The following TXNL4B variants were observed in gnomAD, a reference collection of about 807,000 sequenced individuals.
The protein encoded by TXNL4B is thioredoxin-like protein 4B.
A neutral mutation model predicts 13.0 loss-of-function variants in TXNL4B; 12 were observed. That is an observed-to-expected ratio of 0.92 (90% CI 0.59 to 1.49). TXNL4B has a LOEUF of 1.49. Ranked by LOEUF, TXNL4B falls within the 40% of genes most tolerant of loss-of-function variation. The probability of loss-of-function intolerance (pLI) is 0.00; values close to 1 mark genes in which losing one functional copy is unlikely to be tolerated. For missense variants in TXNL4B, 214 were observed against 173.6 expected (o/e 1.23, Z -1.31); for synonymous variants, 59 against 58.9 (o/e 1.00, Z -0.01).
At chr16:72,089,436 C>T (rs935225023) in intron 2 of TXNL4B, among the ~76,000 whole-genome samples, 4 of 152,102 alleles carry the variant, frequency 2.6e-5, no homozygotes, top group African/African-American at 9.7e-5. Flanking sequence ...AGGAGGGTGA[C>T]AGCATGGGAG....
rs992809143 is a variant in TXNL4B, at chr16:72,086,446, CAGTT to C, written c.*187_*190del. 6.1e-6 allele frequency: 3 copies of C among 493,926 alleles called. No individual in the cohort carries two copies. The highest frequency in any genetic ancestry group is 3.5e-5 in the Admixed American group (1 of 28,878). 30.6% of individuals were successfully genotyped at this position (493,926 alleles called of 1,614,324 possible). A position where few individuals can be genotyped will look rare whatever the true frequency, so the allele number is the denominator to read the frequency against. ...TGCTCTGAGGCTTGCAGGGAGTAGA[CAGTT>C]AGGCATCCCAGGTCATCAGAGAACC... On this transcript the variant is annotated 3_prime_UTR_variant, in exon 4 of 4. Transcript: ENST00000268483.
chr16:72,087,977 G>T (rs560131454), intron 3 of TXNL4B, among the ~76,000 whole-genome samples: 3 of 152,192 alleles, frequency 2.0e-5, no homozygotes, highest in African/African-American at 7.2e-5. Context: ...CCGCCACCAC[G>T]CCCAGCTAAT....
chr16:72,092,912 G>A (rs762285402), intron 1 of TXNL4B, among the ~76,000 whole-genome samples: 2 of 152,240 alleles, frequency 1.3e-5, no homozygotes, highest in Admixed American at 6.5e-5. Context: ...GTAGGGGCAG[G>A]CACAGGGAGT....
intron 2 of TXNL4B, chr16:72,090,129 T>C (rs1184067943): frequency 2.2e-6 from 1 of 455,966 alleles, no homozygotes; most frequent in African/African-American, 2.0e-5. Context: ...GAGGTCTTAG[T>C]TCTGGGTTAG....
intron 2 of TXNL4B, 48 bp downstream of exon 2, chr16:72,090,570 A>C: frequency 4.4e-6 from 7 of 1,594,474 alleles, no homozygotes; most frequent in Non-Finnish European, 6.0e-6. Flanking sequence ...CTGAAGTGAG[A>C]ATATACAGAT....
In TXNL4B at chr16:72,085,256, G is replaced by A; in HGVS notation, c.*1381C>T. 1 of 363,270 alleles carries A rather than the reference G, an allele frequency of 2.8e-6. No homozygotes were observed. Among genetic ancestry groups the A allele is most frequent in the Non-Finnish European group, 4.9e-6 (1 of 204,580 alleles). The allele number at this position is 363,270 out of a possible 1,614,324, so 22.5% of individuals were successfully genotyped here. A position where few individuals can be genotyped will look rare whatever the true frequency, so the allele number is the denominator to read the frequency against. ...ATGGAGCCCCTGGCAAAGGGGGCTG[G>A]ACTTGCAGTGACAGTGCTGCTCTGA... On this transcript the variant is annotated 3_prime_UTR_variant, in exon 4 of 4. Coordinates refer to ENST00000268483, the MANE Select transcript of TXNL4B (RefSeq NM_017853.3).
intron 3 of TXNL4B, among the ~76,000 whole-genome samples, chr16:72,088,444 ACAT>A (rs2041855315): frequency 6.6e-6 from 1 of 152,272 alleles, no homozygotes; most frequent in African/African-American, 2.4e-5. Context: ...ACTAAAGAGG[ACAT>A]CATGTTACTT....
rs919045564 is a variant in TXNL4B at position 72,085,373 on chromosome 16, C to T, written c.*1264G>A. 4.6e-6 allele frequency: 1 copy of T among 215,092 alleles called. No homozygotes were observed. The highest frequency in any genetic ancestry group is 2.3e-5 in the African/African-American group (1 of 44,096). The allele number at this position is 215,092 out of a possible 1,614,324, so 13.3% of individuals were successfully genotyped here. A position where few individuals can be genotyped will look rare whatever the true frequency, so the allele number is the denominator to read the frequency against. On this transcript the variant is annotated 3_prime_UTR_variant, in exon 4 of 4. Coordinates refer to ENST00000268483, the MANE Select transcript of TXNL4B (RefSeq NM_017853.3). ...ATGGCTCTCCAGCTCTGCACCTACCCTCTCCTTCTAATAAATCTGTTTCAA... is the reference window on the plus strand; with the variant it reads ...ATGGCTCTCCAGCTCTGCACCTACCTTCTCCTTCTAATAAATCTGTTTCAA...
chr16:72,085,134 T>C lies in TXNL4B; in HGVS notation c.*1503A>G, dbSNP rs1011851420. The C allele has an allele frequency of 1.3e-4, 51 of 397,510 alleles. No individual in the cohort carries two copies. The highest frequency in any genetic ancestry group is 8.6e-4 in the African/African-American group (42 of 48,592). The allele number at this position is 397,510 out of a possible 1,614,324, so 24.6% of individuals were successfully genotyped here. ...TTCCTGGAGTGACTCCCTCCTCTTA[T>C]CAGCAGGGATACAAGCAGTGCCTGG... On this transcript the variant is annotated 3_prime_UTR_variant, in exon 4 of 4. Coordinates refer to ENST00000268483, the MANE Select transcript of TXNL4B (RefSeq NM_017853.3).
At chr16:72,087,382 A>G (rs1190264528) in intron 3 of TXNL4B, 1 of 145,958 alleles carries the variant, frequency 6.9e-6, no homozygotes, top group Non-Finnish European at 1.5e-5. Flanking sequence ...GTGCAGATAC[A>G]AACTTCTTTT....
chr16:72,089,648 G>C (rs2041873259), intron 2 of TXNL4B, among the ~76,000 whole-genome samples: 2 of 152,158 alleles, frequency 1.3e-5, no homozygotes, highest in African/African-American at 4.8e-5. Flanking sequence ...ACACAACTTA[G>C]AAATATGTTA....
chr16:72,088,320 T>C (rs2041853477), intron 3 of TXNL4B, among the ~76,000 whole-genome samples: 1 of 152,170 alleles, frequency 6.6e-6, no homozygotes, highest in African/African-American at 2.4e-5. Flanking sequence ...ACAAAAAGGG[T>C]ACACAGATCT....
In TXNL4B at chr16:72,090,199, T is replaced by C. The variant is rs1008376185; in HGVS notation, c.132+419A>G. On this transcript the variant is annotated intron_variant, in intron 2 of 3. Transcript: ENST00000268483. Reference sequence around the variant, plus strand: ...CACACTAGAAAAGATTATTTGCAGCTACAGAAAACTGAGTTCAAATCTCAA... The same window carrying C: ...CACACTAGAAAAGATTATTTGCAGCCACAGAAAACTGAGTTCAAATCTCAA... 3.9e-5 allele frequency: 18 copies of C among 456,588 alleles called. No individual in the cohort carries two copies. The Admixed American group carries it at 4.0e-4, about 10-fold the overall frequency. The allele number at this position is 456,588 out of a possible 1,614,324, so 28.3% of individuals were successfully genotyped here.
intron 1 of TXNL4B, 67 bp from the exon 2 acceptor site, chr16:72,090,853 T>A: frequency 7.6e-7 from 1 of 1,314,628 alleles, no homozygotes; most frequent in Non-Finnish European, 1.1e-6. Flanking sequence ...TAAAAAAAAT[T>A]AATTCACAGA....
intron 2 of TXNL4B, chr16:72,090,117 A>G (rs560568081): frequency 3.1e-5 from 14 of 455,946 alleles, no homozygotes; most frequent in African/African-American, 2.8e-4. Context: ...AAATGGCGGT[A>G]AGAGGTCTTA....
intron 1 of TXNL4B, 51 bp from the exon 2 acceptor site, chr16:72,090,837 C>A: frequency 6.7e-7 from 1 of 1,483,590 alleles, no homozygotes; most frequent in South Asian, 1.2e-5. Context: ...GTGCGTGAGC[C>A]CTCATTAAAA....
chr16:72,094,111 C>A (rs2041968366), upstream of TXNL4B: 1 of 152,548 alleles, frequency 6.6e-6, no homozygotes, highest in Admixed American at 6.5e-5. Context: ...CTCTAGGCGG[C>A]GGATATTGGT....
At chr16:72,093,329 C>T (rs537561124) in intron 1 of TXNL4B, 38 bp downstream of exon 1, 7 of 152,380 alleles carry the variant, frequency 4.6e-5, no homozygotes, top group African/African-American at 1.7e-4. Flanking sequence ...TGTTGCGCTG[C>T]TCCTGGCCCA....
chr16:72,092,368 G>A (rs550701855), intron 1 of TXNL4B, among the ~76,000 whole-genome samples: 2 of 150,984 alleles, frequency 1.3e-5, no homozygotes, highest in Admixed American at 1.3e-4. Context: ...AGCTAGGATC[G>A]CTCCACTGCA....
Sources: gnomAD v4.1 joint callset for allele counts (sites outside exome capture counted in the v4.1 genomes callset) on GRCh38, gnomAD v4.1.1 for gene constraint, MANE v1.5 for transcripts, NCBI Gene and HGNC (gene_info 2026-07-23, HGNC 2026-07-21) for gene names.